The following PLCG2 variants were observed in gnomAD, a reference collection of about 807,000 sequenced individuals.
PLCG2 encodes 1-phosphatidylinositol 4,5-bisphosphate phosphodiesterase gamma-2.
A neutral mutation model predicts 175.6 loss-of-function variants in PLCG2; 69 were observed. That is an observed-to-expected ratio of 0.39 (90% CI 0.32 to 0.48). The LOEUF is 0.48. PLCG2 is among the 20% of genes least tolerant of loss of function. The pLI, the probability that PLCG2 is intolerant of heterozygous loss-of-function variation, is 0.91. For synonymous variants in PLCG2, 827 were observed against 624.0 expected, an observed-to-expected ratio of 1.33 and a Z score of -4.85; for missense variants, 1,798 against 1,650.9, an observed-to-expected ratio of 1.09 and a Z score of -1.54.
At chr16:81,799,991 T>G (rs1225866356) in intron 2 of PLCG2, among the ~76,000 whole-genome samples, 1 of 152,210 alleles carries the variant, frequency 6.6e-6, no homozygotes, top group Non-Finnish European at 1.5e-5. Context: ...CTGCCTGGGT[T>G]CAGATCTTGG....
chr16:81,897,325 G>A (rs978020239), intron 13 of PLCG2, among the ~76,000 whole-genome samples: 3 of 152,178 alleles, frequency 2.0e-5, no homozygotes, highest in Admixed American at 6.6e-5. Context: ...CGCTGAGTTT[G>A]AATCCAGCTG....
In PLCG2 at chr16:81,880,966, T is replaced by C. The variant is rs754294883; in HGVS notation, c.692+13T>C. 1.9e-6 allele frequency: 3 copies of C among 1,613,924 alleles called. No individual in the cohort carries two copies. Among genetic ancestry groups the C allele is most frequent in the East Asian group, 4.5e-5 (2 of 44,874 alleles). The stretch of plus-strand genomic sequence containing the variant: ...TGTTCATCCTGGGGTGAGGCAGCTC[T>C]TGTGTGTCGTTCGGGGCGGCTGTGC... On this transcript the variant is annotated intron_variant, in intron 8 of 32. Coordinates refer to ENST00000564138, the MANE Select transcript of PLCG2 (RefSeq NM_002661.5).
chr16:81,819,127 G>T lies in PLCG2; in HGVS notation c.193+32945G>T, dbSNP rs75280529. On this transcript the variant is annotated intron_variant, in intron 2 of 32. Coordinates refer to ENST00000564138, the MANE Select transcript of PLCG2 (RefSeq NM_002661.5). ...AGAGTTCAGATCCACATTCTGGTCG[G>T]CCTGACTGTGGGGTTCAGTGGAGGT... Among the ~76,000 whole-genome samples, 133 of 152,176 alleles carry T rather than the reference G, an allele frequency of 8.7e-4. 1 individual carries two copies. In the East Asian group the frequency reaches 0.025, roughly 28 times the overall value.
At chr16:81,957,501 A>C (rs1911621891) in intron 32 of PLCG2, among the ~76,000 whole-genome samples, 2 of 152,190 alleles carry the variant, frequency 1.3e-5, no homozygotes, top group Admixed American at 1.3e-4. Flanking sequence ...TGTGTTTCCA[A>C]GAATGGGCTA....
At position 81,961,126 on chromosome 16, in the gene PLCG2, G is replaced by A. The variant is rs1415476580; in HGVS notation, c.*3128G>A. Reference sequence around the variant, plus strand: ...ATTTTTTGCTTTCAACAAAGTGGGAGGAACAGCCTGTAGATTTCTGAGTCT... The same window carrying A: ...ATTTTTTGCTTTCAACAAAGTGGGAAGAACAGCCTGTAGATTTCTGAGTCT... On this transcript the variant is annotated 3_prime_UTR_variant, in exon 33 of 33. Coordinates refer to ENST00000564138, the MANE Select transcript of PLCG2 (RefSeq NM_002661.5). 1.3e-5 allele frequency: 3 copies of A among 231,070 alleles called. No individual in the cohort carries two copies. Among genetic ancestry groups the A allele is most frequent in the Non-Finnish European group, 2.6e-5 (3 of 116,802 alleles). 14.3% of individuals were successfully genotyped at this position (231,070 alleles called of 1,614,324 possible). A position where few individuals can be genotyped will look rare whatever the true frequency, so the allele number is the denominator to read the frequency against.
intron 17 of PLCG2, among the ~76,000 whole-genome samples, chr16:81,909,462 G>T (rs528250953): frequency 1.3e-5 from 2 of 152,330 alleles, no homozygotes; most frequent in South Asian, 4.1e-4. Flanking sequence ...CTGTTGCCTA[G>T]GCTGTAGTAC....
chr16:81,863,492 A>G (rs1441433077), intron 5 of PLCG2, among the ~76,000 whole-genome samples: 6 of 152,200 alleles, frequency 3.9e-5, no homozygotes, highest in Admixed American at 3.3e-4. Flanking sequence ...GCAATTGTGA[A>G]TAGTGCTGCT....
chr16:81,819,939 A>G (rs1173852462), intron 2 of PLCG2, among the ~76,000 whole-genome samples: 3 of 152,206 alleles, frequency 2.0e-5, no homozygotes, highest in Non-Finnish European at 4.4e-5. Context: ...TATCAGAGAA[A>G]TGCAGATTCA....
intron 18 of PLCG2, among the ~76,000 whole-genome samples, chr16:81,911,441 A>G (rs1157277861): frequency 6.6e-6 from 1 of 151,992 alleles, no homozygotes; most frequent in Admixed American, 6.6e-5. Context: ...GTGGATGAAG[A>G]TGAATCAATT....
chr16:81,815,171 C>G (rs1904488108), intron 2 of PLCG2, among the ~76,000 whole-genome samples: 1 of 152,172 alleles, frequency 6.6e-6, no homozygotes, highest in Non-Finnish European at 1.5e-5. Flanking sequence ...TCTGGAACGC[C>G]TCTTCATGCA....
In PLCG2 at chr16:81,794,547, C is replaced by CA. The variant is rs1484353953; in HGVS notation, c.193+8365_193+8366insA. ...AAAGAAGGGCTGTCAAATCCTGGTC[C>CA]TGCACTTGGTAGGGGTGTGACCTTG... On this transcript the variant is annotated intron_variant, in intron 2 of 32. Coordinates refer to ENST00000564138, the MANE Select transcript of PLCG2 (RefSeq NM_002661.5). 3.9e-5 allele frequency among the ~76,000 whole-genome samples: 6 copies of CA among 152,128 alleles called. No individual in the cohort carries two copies. In the East Asian group the frequency reaches 1.2e-3, roughly 29 times the overall value.
chr16:81,790,487 C>T (rs1226092898), intron 2 of PLCG2, among the ~76,000 whole-genome samples: 3 of 152,184 alleles, frequency 2.0e-5, no homozygotes, highest in Admixed American at 6.5e-5. Flanking sequence ...GTCAGTGTCA[C>T]CGCTCAGTCT....
At chr16:81,741,034 G>A (rs547880403) in intron 1 of PLCG2, among the ~76,000 whole-genome samples, 2 of 152,296 alleles carry the variant, frequency 1.3e-5, no homozygotes, top group African/African-American at 2.4e-5. Context: ...AGCAAGAGGG[G>A]TTCCCCCAAG....
At chr16:81,916,361 T>C (rs1304657650) in intron 19 of PLCG2, among the ~76,000 whole-genome samples, 1 of 152,164 alleles carries the variant, frequency 6.6e-6, no homozygotes, top group Non-Finnish European at 1.5e-5. Flanking sequence ...AGTCTCTCTA[T>C]AGTGCAAAAA....
At chr16:81,942,839 C>T (rs936672157) in intron 30 of PLCG2, among the ~76,000 whole-genome samples, 4 of 150,232 alleles carry the variant, frequency 2.7e-5, no homozygotes, top group African/African-American at 9.7e-5. Flanking sequence ...AAGCCAGATG[C>T]ATTGATCTTA....
At chr16:81,742,070 T>C (rs973250387) in intron 1 of PLCG2, among the ~76,000 whole-genome samples, 13 of 149,568 alleles carry the variant, frequency 8.7e-5, no homozygotes, top group African/African-American at 3.3e-4. Flanking sequence ...TATTCAAAAT[T>C]CTACTCGCTT....
At position 81,910,641 on chromosome 16, in the gene PLCG2, G is replaced by A. The variant is rs763166039; in HGVS notation, c.1855G>A (p.Glu619Lys). The change falls in exon 18 of 33, where the codon GAG becomes AAG. Residue 619 changes from glutamate to lysine, a missense_variant. Physicochemically the swap from Glu to Lys is moderately conservative, Grantham distance 56. Transcript: ENST00000564138. ...CTATGCCCTCATCCAGCACTACCGC[G>A]AGACGCACCTGCGCTGCGCCGAGTT... Reference protein sequence around the residue: ...SIYALIQHYRETHLRCAEFEL... With the variant: ...SIYALIQHYRKTHLRCAEFEL... 1.2e-5 allele frequency: 19 copies of A among 1,613,832 alleles called. No homozygotes were observed. Among genetic ancestry groups the A allele is most frequent in the Non-Finnish European group, 1.6e-5 (19 of 1,180,012 alleles).
At chr16:81,946,749 TTTTTCCTCCTTTACGCCAGAATTC>T (rs1464452054) in intron 31 of PLCG2, among the ~76,000 whole-genome samples, 4 of 152,194 alleles carry the variant, frequency 2.6e-5, no homozygotes, top group African/African-American at 9.6e-5. Context: ...GGTGAGTACC[TTTTTCCTCCTTTACGCCAGAATTC>T]TTTCCTTAGG....
chr16:81,940,820 T>C (rs961748894), intron 30 of PLCG2, among the ~76,000 whole-genome samples: 3 of 152,192 alleles, frequency 2.0e-5, no homozygotes, highest in African/African-American at 7.2e-5. Flanking sequence ...ATATAGTTTC[T>C]CTAGTTTACT....
Sources: allele counts gnomAD v4.1 joint callset (sites outside exome capture counted in the v4.1 genomes callset), GRCh38; gene constraint gnomAD v4.1.1; transcripts MANE v1.5; gene names NCBI Gene and HGNC (gene_info 2026-07-23, HGNC 2026-07-21).